Variants in RAP1GAP2 observed in about 807,000 individuals in gnomAD.
RAP1GAP2 encodes the protein RAP1 GTPase activating protein 2, also known as rap1 GTPase-activating protein 2.
A neutral mutation model predicts 95.0 loss-of-function variants in RAP1GAP2; 27 were observed. That is an observed-to-expected ratio of 0.28 (90% CI 0.21 to 0.39). The LOEUF (loss-of-function observed/expected upper bound fraction) is 0.39, where lower values mean the gene tolerates loss of function less well. RAP1GAP2 is among the 10% of genes least tolerant of loss of function. RAP1GAP2 has a pLI of 1.00. For missense variants in RAP1GAP2, 771 were observed against 970.0 expected, an observed-to-expected ratio of 0.79 and a Z score of 2.72; for synonymous variants, 373 against 380.9, an observed-to-expected ratio of 0.98 and a Z score of 0.24.
chr17:2,865,183 G>A (rs901620871), intron 2 of RAP1GAP2, among the ~76,000 whole-genome samples: 1 of 152,108 alleles, frequency 6.6e-6, no homozygotes, highest in African/African-American at 2.4e-5. Context: ...ACACCCCCGT[G>A]CTACAGTCCA....
intron 16 of RAP1GAP2, 68 bp downstream of exon 16, chr17:3,006,109 G>A (rs1221448973): frequency 2.5e-6 from 3 of 1,191,700 alleles, no homozygotes; most frequent in Non-Finnish European, 3.7e-6. Context: ...CCTCATCCAG[G>A]GCTCCTCCAT....
chr17:2,946,039 C>T (rs373312192), intron 3 of RAP1GAP2, among the ~76,000 whole-genome samples: 12 of 152,156 alleles, frequency 7.9e-5, no homozygotes, highest in African/African-American at 2.2e-4. Flanking sequence ...GATCCTCCTG[C>T]CTCAGCCTCC....
rs181084907 is a variant in RAP1GAP2, at chr17:2,967,382, C to T, written c.596+1739C>T. Among the ~76,000 whole-genome samples the T allele has an allele frequency of 2.5e-3, 381 of 150,782 alleles. 2 individuals carry two copies. The highest frequency in any genetic ancestry group is 6.8e-3 in the Middle Eastern group (2 of 294). ...TGAGACTCTGTCTCAACAACAACAA[C>T]GATGACAACAACAACGACGACAACA... On this transcript the variant is annotated intron_variant, in intron 8 of 24. Transcript: ENST00000254695.
intron 8 of RAP1GAP2, among the ~76,000 whole-genome samples, chr17:2,969,179 C>CTATATA (rs769314712): frequency 2.8e-5 from 4 of 143,138 alleles, no homozygotes; most frequent in Admixed American, 7.0e-5. Flanking sequence ...ATCTATCTAT[C>CTATATA]TATATATATA....
At chr17:2,806,754 C>A (rs970320203) in intron 2 of RAP1GAP2, among the ~76,000 whole-genome samples, 1 of 151,824 alleles carries the variant, frequency 6.6e-6, no homozygotes, top group Non-Finnish European at 1.5e-5. Context: ...CACTCTCTCT[C>A]AGGCTGGAGT....
chr17:2,848,549 C>G (rs1177869034), intron 2 of RAP1GAP2, among the ~76,000 whole-genome samples: 1 of 149,472 alleles, frequency 6.7e-6, no homozygotes, highest in African/African-American at 2.5e-5. Flanking sequence ...GAGTCTTGCT[C>G]TGTTCCCCAG....
At chr17:2,777,394 A>G (rs2068528549) in intron 1 of RAP1GAP2, 1 of 152,200 alleles carries the variant, frequency 6.6e-6, no homozygotes, top group South Asian at 2.1e-4. Flanking sequence ...GCCTGTGCCT[A>G]TTGCAGGAAG....
upstream of RAP1GAP2, among the ~76,000 whole-genome samples, chr17:2,793,343 A>T (rs2068979189): frequency 6.6e-6 from 1 of 152,126 alleles, no homozygotes; most frequent in South Asian, 2.1e-4. Flanking sequence ...TAGTAAAGAC[A>T]GGGTTTCACC....
chr17:2,994,980 A>T (rs1435486029), intron 12 of RAP1GAP2, among the ~76,000 whole-genome samples: 1 of 152,098 alleles, frequency 6.6e-6, no homozygotes, highest in Non-Finnish European at 1.5e-5. Context: ...TATCTGGCTA[A>T]CTTTTGTATT....
intron 3 of RAP1GAP2, among the ~76,000 whole-genome samples, chr17:2,956,094 C>G (rs2044093659): frequency 6.6e-6 from 1 of 152,208 alleles, no homozygotes; most frequent in Admixed American, 6.5e-5. Context: ...GGTATAAGCT[C>G]TTTACGTCTG....
chr17:3,001,931 G>T (rs1354533279), intron 14 of RAP1GAP2, among the ~76,000 whole-genome samples: 1 of 151,368 alleles, frequency 6.6e-6, no homozygotes, highest in East Asian at 1.9e-4. Flanking sequence ...CCCACCTCCA[G>T]CTGTGGTGCT....
At chr17:2,873,305 C>CA (rs377575894) in intron 2 of RAP1GAP2, among the ~76,000 whole-genome samples, 1,756 of 95,528 alleles carry the variant, frequency 0.018, 24 homozygotes, top group African/African-American at 0.04. Flanking sequence ...ACCAAAAATA[C>CA]AAAAAAAAAA....
intron 2 of RAP1GAP2, among the ~76,000 whole-genome samples, chr17:2,891,769 G>A (rs1332290849): frequency 7.1e-6 from 1 of 141,254 alleles, no homozygotes; most frequent in East Asian, 2.1e-4. Flanking sequence ...AGATTCCAGA[G>A]TTGCTGTTGA....
Position 2,871,500 on chromosome 17 carries a change from C to T in RAP1GAP2, c.81-33784C>T, listed in dbSNP as rs537054039. 6.6e-6 allele frequency among the ~76,000 whole-genome samples: 1 copy of T among 152,126 alleles called. No homozygotes were observed. Among genetic ancestry groups the T allele is most frequent in the Non-Finnish European group, 1.5e-5 (1 of 68,012 alleles). ...TGTCCAGCGGGAGAGGGGCAGTTCC[C>T]TAAAGCAGAGGTGGGGAGCTTCATT... On this transcript the variant is annotated intron_variant, in intron 2 of 24. Transcript: ENST00000254695. This position sits in a 1 kb window ranked among gnomAD's most constrained non-coding sequence, Gnocchi z 5.0.
intron 2 of RAP1GAP2, among the ~76,000 whole-genome samples, chr17:2,821,925 G>C (rs915477954): frequency 1.3e-5 from 2 of 152,152 alleles, no homozygotes; most frequent in South Asian, 2.1e-4. Context: ...AGTCTATGCT[G>C]TCTATGATGG....
chr17:2,857,447 G>A lies in RAP1GAP2; in HGVS notation c.81-47837G>A, dbSNP rs1375476696. Among the ~76,000 whole-genome samples, 1 of 152,172 alleles carries A rather than the reference G, an allele frequency of 6.6e-6. No individual in the cohort carries two copies. The highest frequency in any genetic ancestry group is 1.9e-4 in the East Asian group (1 of 5,192). The stretch of plus-strand genomic sequence containing the variant: ...GTAGTTCCCAAGAACTGTGCTCCAG[G>A]CTCCAACTTCAATTTCCGTTTTCGA... On this transcript the variant is annotated intron_variant, in intron 2 of 24. Coordinates refer to ENST00000254695, the MANE Select transcript of RAP1GAP2 (RefSeq NM_015085.5). The surrounding 1 kb of genome is among the most constrained non-coding windows in gnomAD (Gnocchi z 4.0).
intron 2 of RAP1GAP2, among the ~76,000 whole-genome samples, chr17:2,802,504 G>T (rs1005821899): frequency 6.6e-6 from 1 of 152,098 alleles, no homozygotes; most frequent in African/African-American, 2.4e-5. Context: ...GAGGTCAGGA[G>T]TTCGAGACCA....
At chr17:2,893,267 C>A (rs1597535071) in intron 2 of RAP1GAP2, among the ~76,000 whole-genome samples, 1 of 152,272 alleles carries the variant, frequency 6.6e-6, no homozygotes, top group East Asian at 1.9e-4. Flanking sequence ...TCTCGAACTC[C>A]TGACCTCAGG....
At chr17:2,953,741 G>T (rs887789111) in intron 3 of RAP1GAP2, among the ~76,000 whole-genome samples, 1 of 152,066 alleles carries the variant, frequency 6.6e-6, no homozygotes, top group South Asian at 2.1e-4. Context: ...CAGCTACTCC[G>T]GAGGCTGAGG....
Sources: gnomAD v4.1 joint callset for allele counts (sites outside exome capture counted in the v4.1 genomes callset) on GRCh38, gnomAD v4.1.1 for gene constraint, Gnocchi (gnomAD v3.1) non-coding constraint, MANE v1.5 for transcripts, NCBI Gene and HGNC (gene_info 2026-07-23, HGNC 2026-07-21) for gene names.